Variants in FUT8 observed in about 807,000 individuals in gnomAD.
FUT8 encodes the protein fucosyltransferase 8.
Under a neutral mutation model 71.3 loss-of-function variants are expected in FUT8, and 29 were observed. That is an observed-to-expected ratio of 0.41 (90% CI 0.30 to 0.55). The LOEUF (loss-of-function observed/expected upper bound fraction) is 0.55, where lower values mean the gene tolerates loss of function less well. Ranked by LOEUF, FUT8 falls within the 20% of genes least tolerant of loss-of-function variation. The pLI is 0.34. For missense variants in FUT8, 544 were observed against 702.1 expected, an observed-to-expected ratio of 0.77 and a Z score of 2.55; for synonymous variants, 254 against 239.3, an observed-to-expected ratio of 1.06 and a Z score of -0.57.
At chr14:65,359,548 T>TTG in the FUT8 span, among the ~76,000 whole-genome samples, 4 of 152,190 alleles carry the variant, frequency 2.6e-5, no homozygotes, top group African/African-American at 9.6e-5. Context: ...CTTTTTATCT[T>TTG]TGTGAATTTC....
At chr14:65,393,124 G>A in the FUT8 span, among the ~76,000 whole-genome samples, 1 of 152,172 alleles carries the variant, frequency 6.6e-6, no homozygotes, top group Non-Finnish European at 1.5e-5. Flanking sequence ...GACTAGGGGT[G>A]AGAACACAGC....
chr14:65,677,410 T>G (rs1321212576), intron 7 of FUT8, among the ~76,000 whole-genome samples: 3 of 152,148 alleles, frequency 2.0e-5, no homozygotes, highest in African/African-American at 7.2e-5. Context: ...GAGGTCCTCC[T>G]TTTGATTCAA....
At chr14:65,527,250 CTTTG>C (rs779755290) in intron 2 of FUT8, among the ~76,000 whole-genome samples, 78 of 152,284 alleles carry the variant, frequency 5.1e-4, no homozygotes, top group Non-Finnish European at 9.1e-4. Flanking sequence ...TTCTTGGAGG[CTTTG>C]TTTGTTTCTT....
At chr14:65,423,922 T>C (rs2065341494) in intron 1 of FUT8, among the ~76,000 whole-genome samples, 1 of 152,206 alleles carries the variant, frequency 6.6e-6, no homozygotes, top group African/African-American at 2.4e-5. Flanking sequence ...TCATGAATTC[T>C]TTTTTTACAA....
the FUT8 span, among the ~76,000 whole-genome samples, chr14:65,388,031 T>A: frequency 6.6e-6 from 1 of 152,216 alleles, no homozygotes; most frequent in Non-Finnish European, 1.5e-5. Flanking sequence ...AAGAGGTTGG[T>A]CTATATATTA....
At chr14:65,488,124 C>T (rs2066435328) in intron 2 of FUT8, among the ~76,000 whole-genome samples, 2 of 152,100 alleles carry the variant, frequency 1.3e-5, no homozygotes, top group South Asian at 4.1e-4. Flanking sequence ...ACCCAGCCTG[C>T]AGTGTGTCTT....
At chr14:65,658,972 T>A (rs1891827189) in intron 6 of FUT8, among the ~76,000 whole-genome samples, 1 of 152,148 alleles carries the variant, frequency 6.6e-6, no homozygotes, top group South Asian at 2.1e-4. Context: ...AAGTAATATG[T>A]TCTCCTTGGG....
At chr14:65,358,202 A>C in the FUT8 span, among the ~76,000 whole-genome samples, 1 of 152,240 alleles carries the variant, frequency 6.6e-6, no homozygotes, top group African/African-American at 2.4e-5. Flanking sequence ...GTATTATTAC[A>C]AAGAAATGAT....
intron 7 of FUT8, among the ~76,000 whole-genome samples, chr14:65,721,097 A>G (rs969571878): frequency 3.3e-5 from 5 of 152,136 alleles, no homozygotes; most frequent in Non-Finnish European, 7.3e-5. Flanking sequence ...AGTTAAAATC[A>G]GGTACTGTGA....
At chr14:65,494,788 AAAGT>A (rs990926181) in intron 2 of FUT8, among the ~76,000 whole-genome samples, 2 of 152,048 alleles carry the variant, frequency 1.3e-5, no homozygotes, top group African/African-American at 4.8e-5. Flanking sequence ...AAAAGAAAAA[AAAGT>A]AAGGTTCTGA....
chr14:65,443,558 G>A (rs2065693860), intron 1 of FUT8, among the ~76,000 whole-genome samples: 1 of 151,438 alleles, frequency 6.6e-6, no homozygotes, highest in African/African-American at 2.4e-5. Flanking sequence ...CATCTCTACA[G>A]AAAATTTAAA....
At chr14:65,688,520 C>A (rs1330142862) in intron 7 of FUT8, among the ~76,000 whole-genome samples, 7 of 55,134 alleles carry the variant, frequency 1.3e-4, no homozygotes, top group South Asian at 8.4e-4. Context: ...ATCCACATGC[C>A]AAAAAAAAAA....
chr14:65,484,809 C>G (rs1329750415), intron 2 of FUT8, among the ~76,000 whole-genome samples: 1 of 152,154 alleles, frequency 6.6e-6, no homozygotes, highest in East Asian at 1.9e-4. Context: ...CCACAGTTCA[C>G]TGATGCTCTT....
chr14:65,627,038 T>C lies in FUT8; in HGVS notation c.483-2454T>C, dbSNP rs779559931. ...AAACTCTTGAAGGTTTTTCTTTTGCTACTTTTTCATTCATCTAAAGATATT... is the reference window on the plus strand; with the variant it reads ...AAACTCTTGAAGGTTTTTCTTTTGCCACTTTTTCATTCATCTAAAGATATT... On this transcript the variant is annotated intron_variant, in intron 5 of 10. Transcript: ENST00000673929. This position sits in a 1 kb window ranked among gnomAD's most constrained non-coding sequence, Gnocchi z 4.0. Among the ~76,000 whole-genome samples, 14 of 152,244 alleles carry C rather than the reference T, an allele frequency of 9.2e-5. No individual in the cohort carries two copies. Among genetic ancestry groups the C allele is most frequent in the Admixed American group, 2.6e-4 (4 of 15,288 alleles).
intron 1 of FUT8, among the ~76,000 whole-genome samples, chr14:65,450,898 C>G (rs1430886679): frequency 6.6e-6 from 1 of 151,436 alleles, no homozygotes; most frequent in Non-Finnish European, 1.5e-5. Context: ...GGAGTCTTCC[C>G]TCTGTCGGCC....
At chr14:65,561,911 T>C in intron 3 of FUT8, 145 bp downstream of exon 3, 1 of 711,752 alleles carries the variant, frequency 1.4e-6, no homozygotes, top group Admixed American at 2.6e-5. Context: ...TTTCTATCTC[T>C]GTGTATTTAA....
At chr14:65,383,260 C>CTTTTCTTTT in the FUT8 span, among the ~76,000 whole-genome samples, 124 of 95,828 alleles carry the variant, frequency 1.3e-3, no homozygotes, top group East Asian at 6.0e-3. Context: ...TTTTCTTTTT[C>CTTTTCTTTT]TTTTCTTTTT....
intron 10 of FUT8, among the ~76,000 whole-genome samples, chr14:65,734,053 T>C (rs989324254): frequency 9.2e-5 from 14 of 152,192 alleles, no homozygotes; most frequent in African/African-American, 3.4e-4. Context: ...TTCTCTCGTT[T>C]ATGCACATAT....
chr14:65,539,156 T>C (rs1295483843), intron 2 of FUT8, among the ~76,000 whole-genome samples: 2 of 152,228 alleles, frequency 1.3e-5, no homozygotes, highest in Non-Finnish European at 2.9e-5. Flanking sequence ...GTTTTTGTTC[T>C]ATTATGGCTA....
Sources: gnomAD v4.1 joint callset for allele counts (sites outside exome capture counted in the v4.1 genomes callset) on GRCh38, gnomAD v4.1.1 for gene constraint, Gnocchi (gnomAD v3.1) non-coding constraint, MANE v1.5 for transcripts, NCBI Gene and HGNC (gene_info 2026-07-23, HGNC 2026-07-21) for gene names.